The following KLF12 variants were observed in gnomAD, a reference collection of about 807,000 sequenced individuals.
KLF12 encodes the protein Krueppel-like factor 12.
KLF12 carries 9 observed loss-of-function variants against 37.8 expected under a neutral mutation model. The ratio of observed to expected loss-of-function variants is 0.24; its 90% CI spans 0.14 to 0.42. The LOEUF (loss-of-function observed/expected upper bound fraction) is 0.42, where lower values mean the gene tolerates loss of function less well. Ranked by LOEUF, KLF12 falls within the 10% of genes least tolerant of loss-of-function variation. The pLI is 1.00. For synonymous variants in KLF12, 208 were observed against 202.1 expected (o/e 1.03, Z -0.25); for missense variants, 411 against 516.0 (o/e 0.80, Z 1.97).
At chr13:73,958,760 C>T (rs1890927578) in intron 2 of KLF12, among the ~76,000 whole-genome samples, 1 of 151,928 alleles carries the variant, frequency 6.6e-6, no homozygotes, top group African/African-American at 2.4e-5. Context: ...TGAAAGGTGG[C>T]GGGGAGTGGG....
the KLF12 span, among the ~76,000 whole-genome samples, chr13:74,183,084 AT>A: frequency 2.5e-4 from 38 of 152,102 alleles, 1 homozygote; most frequent in Non-Finnish European, 7.4e-5. Flanking sequence ...CAGTTTCTCT[AT>A]CCTTTTGTGC....
chr13:73,801,353 A>G (rs575238797), intron 5 of KLF12: 1 of 152,186 alleles, frequency 6.6e-6, no homozygotes, highest in Non-Finnish European at 1.5e-5. Flanking sequence ...TGGTGAACTG[A>G]GTTAATTTCA....
intron 6 of KLF12, among the ~76,000 whole-genome samples, chr13:73,756,372 T>C (rs887499166): frequency 1.3e-5 from 2 of 152,102 alleles, no homozygotes; most frequent in African/African-American, 4.8e-5. Flanking sequence ...AGTAGGGTTT[T>C]AGAGAAATGA....
rs144484298 is a variant in KLF12 at position 73,837,036 on chromosome 13, C to G, written c.670+8791G>C. On this transcript the variant is annotated intron_variant, in intron 4 of 7. Coordinates refer to ENST00000377669, the MANE Select transcript of KLF12 (RefSeq NM_007249.5). ...TTCTTGCTTTAGCTGCTTTACCTAA[C>G]AAATGGATTTGACTGTCCTGTTTAT... Among the ~76,000 whole-genome samples, 520 of 152,290 alleles carry G rather than the reference C, an allele frequency of 3.4e-3. 3 individuals are homozygous for G. Among genetic ancestry groups the G allele is most frequent in the African/African-American group, 0.011 (454 of 41,564 alleles).
At chr13:74,089,646 G>T (rs1010844947) in intron 1 of KLF12, among the ~76,000 whole-genome samples, 4 of 150,932 alleles carry the variant, frequency 2.7e-5, no homozygotes, top group Non-Finnish European at 5.9e-5. Context: ...TTTAACATCT[G>T]AAAATCAATT....
At chr13:74,148,473 T>G in the KLF12 span, among the ~76,000 whole-genome samples, 1 of 136,068 alleles carries the variant, frequency 7.3e-6, no homozygotes, top group Non-Finnish European at 1.6e-5. Context: ...ACAAATTCAG[T>G]AAGACTTTCA....
chr13:73,768,687 A>G (rs556660480), intron 5 of KLF12, among the ~76,000 whole-genome samples: 2 of 152,284 alleles, frequency 1.3e-5, no homozygotes, highest in East Asian at 1.9e-4. Context: ...AGCCCTTACT[A>G]TTTGCTTGGT....
At chr13:74,254,891 A>G in the KLF12 span, among the ~76,000 whole-genome samples, 1 of 152,140 alleles carries the variant, frequency 6.6e-6, no homozygotes, top group Admixed American at 6.6e-5. Context: ...TGTGCTATGA[A>G]TAAGTAAAGA....
intron 2 of KLF12, among the ~76,000 whole-genome samples, chr13:73,946,600 T>C (rs1182452299): frequency 6.6e-6 from 1 of 152,176 alleles, no homozygotes; most frequent in Non-Finnish European, 1.5e-5. Flanking sequence ...AAATAAAACA[T>C]TCTCGATTTT....
chr13:74,264,443 TC>T, the KLF12 span, among the ~76,000 whole-genome samples: 1 of 152,158 alleles, frequency 6.6e-6, no homozygotes, highest in Non-Finnish European at 1.5e-5. Flanking sequence ...CTCTTCAGCT[TC>T]TTTGGTGAGA....
intron 3 of KLF12, among the ~76,000 whole-genome samples, chr13:73,863,243 G>C (rs1886014493): frequency 6.6e-6 from 1 of 152,094 alleles, no homozygotes; most frequent in Admixed American, 6.6e-5. Flanking sequence ...AGAAGTCATG[G>C]GGATAGTAAA....
At chr13:73,969,825 C>A (rs1638830986) in intron 2 of KLF12, among the ~76,000 whole-genome samples, 1 of 152,184 alleles carries the variant, frequency 6.6e-6, no homozygotes, top group South Asian at 2.1e-4. Context: ...CATAGGGCTA[C>A]CATCAAACCT....
chr13:74,032,056 C>G (rs1893129864), intron 1 of KLF12, among the ~76,000 whole-genome samples: 1 of 152,118 alleles, frequency 6.6e-6, no homozygotes, highest in Non-Finnish European at 1.5e-5. Flanking sequence ...ACTCTGTTCA[C>G]AAGCGTACAG....
intron 2 of KLF12, among the ~76,000 whole-genome samples, chr13:73,965,786 G>A (rs1480711364): frequency 6.6e-6 from 1 of 152,130 alleles, no homozygotes; most frequent in Non-Finnish European, 1.5e-5. Context: ...AACCTCTGTA[G>A]AGGTTATTAA....
chr13:73,936,092 ATG>A (rs142301812), intron 3 of KLF12, among the ~76,000 whole-genome samples: 4,730 of 152,064 alleles, frequency 0.031, 107 homozygotes, highest in Non-Finnish European at 0.048. Context: ...TCATTTCTGG[ATG>A]TGTTTCTATT....
intron 2 of KLF12, among the ~76,000 whole-genome samples, chr13:73,975,403 C>T (rs1218507036): frequency 3.9e-5 from 6 of 152,180 alleles, no homozygotes; most frequent in Non-Finnish European, 8.8e-5. Context: ...CCCGCATACA[C>T]TCAATAATGA....
chr13:74,021,014 C>T (rs1034558228), intron 1 of KLF12, among the ~76,000 whole-genome samples: 17 of 152,214 alleles, frequency 1.1e-4, no homozygotes, highest in Middle Eastern at 3.4e-3. Flanking sequence ...GACCCCTCGA[C>T]GTCTGCTACT....
chr13:73,744,058 A>G (rs1429460357), intron 6 of KLF12, among the ~76,000 whole-genome samples: 4 of 152,218 alleles, frequency 2.6e-5, no homozygotes, highest in African/African-American at 4.8e-5. Flanking sequence ...ACATCTACAA[A>G]TATTTTTCCA....
At chr13:73,928,195 T>C (rs9530261) in intron 3 of KLF12, among the ~76,000 whole-genome samples, 69,104 of 152,102 alleles carry the variant, frequency 0.45, 17,769 homozygotes, top group Non-Finnish European at 0.57. Flanking sequence ...TCTGGGGATC[T>C]TGTCCATCCA....
Sources: gnomAD v4.1 joint callset for allele counts (sites outside exome capture counted in the v4.1 genomes callset) on GRCh38, gnomAD v4.1.1 for gene constraint, MANE v1.5 for transcripts, NCBI Gene and HGNC (gene_info 2026-07-23, HGNC 2026-07-21) for gene names.